XXYLT1: variants seen among roughly 807,000 people sequenced by gnomAD.
XXYLT1 encodes the protein UDP-xylose:alpha-xyloside alpha-1,3-xylosyltransferase.
Under a neutral mutation model 28.9 loss-of-function variants are expected in XXYLT1, and 20 were observed. The observed-to-expected ratio is 0.69, with a 90% CI of 0.49 to 1.00. XXYLT1 has a LOEUF of 1.00. Among genes scored for constraint, XXYLT1 ranks in the 50% least tolerant of loss-of-function variants. The pLI is 0.00. For missense variants in XXYLT1, 542 were observed against 560.1 expected, an observed-to-expected ratio of 0.97 and a Z score of 0.33; for synonymous variants, 257 against 253.8, an observed-to-expected ratio of 1.01 and a Z score of -0.12.
intron 2 of XXYLT1, chr3:195,175,551 G>T (rs1721622379): frequency 6.5e-6 from 10 of 1,531,118 alleles, no homozygotes; most frequent in Non-Finnish European, 8.7e-6. Context: ...GATTCCTAGG[G>T]GTAGTTAGGA....
At chr3:195,182,709 A>G (rs1722011886) in intron 2 of XXYLT1, among the ~76,000 whole-genome samples, 1 of 152,134 alleles carries the variant, frequency 6.6e-6, no homozygotes, top group African/African-American at 2.4e-5. Context: ...TGACGAAAGG[A>G]AGGAAATTAA....
rs530742415 is a variant in XXYLT1 at position 195,247,192 on chromosome 3, CAAG to C, written c.505-20339_505-20337del. Among the ~76,000 whole-genome samples, 148 of 152,216 alleles carry C rather than the reference CAAG, an allele frequency of 9.7e-4. 1 individual carries two copies. Among genetic ancestry groups the C allele is most frequent in the African/African-American group, 2.7e-3 (112 of 41,544 alleles). On this transcript the variant is annotated intron_variant, in intron 1 of 3. Transcript: ENST00000310380. The stretch of plus-strand genomic sequence containing the variant: ...AAGAGGTATGGCAGCGAGGGAAAGA[CAAG>C]AAGGAGGTGAGATGGGAGAAGAGGG...
intron 1 of XXYLT1, among the ~76,000 whole-genome samples, chr3:195,230,297 T>TA (rs1375557649): frequency 1.3e-5 from 2 of 152,250 alleles, no homozygotes; most frequent in African/African-American, 4.8e-5. Context: ...CCTTGTCAGA[T>TA]AGACAGTTTA....
At chr3:195,245,396 T>C (rs1168728913) in intron 1 of XXYLT1, among the ~76,000 whole-genome samples, 1 of 151,848 alleles carries the variant, frequency 6.6e-6, no homozygotes, top group African/African-American at 2.4e-5. Context: ...CTGCAAGTGA[T>C]TCGGCCCACC....
chr3:195,227,103 C>T (rs1343283920), intron 1 of XXYLT1, among the ~76,000 whole-genome samples: 2 of 152,068 alleles, frequency 1.3e-5, no homozygotes, highest in Non-Finnish European at 2.9e-5. Context: ...CATGCATGTA[C>T]GGGCTGTGCA....
chr3:195,181,536 G>A (rs1721955024), intron 2 of XXYLT1, among the ~76,000 whole-genome samples: 1 of 152,190 alleles, frequency 6.6e-6, no homozygotes, highest in South Asian at 2.1e-4. Context: ...CACTGCTTGA[G>A]TGCTTACTGT....
At chr3:195,113,854 G>A (rs923245206) in intron 3 of XXYLT1, among the ~76,000 whole-genome samples, 2 of 152,148 alleles carry the variant, frequency 1.3e-5, no homozygotes, top group African/African-American at 2.4e-5. Flanking sequence ...TCCTGAGGCC[G>A]GCGGGCAAAG....
chr3:195,204,468 A>ACTCTCTCTCTCTCT (rs1316535464), intron 2 of XXYLT1, among the ~76,000 whole-genome samples: 9 of 114,750 alleles, frequency 7.8e-5, no homozygotes, highest in African/African-American at 3.4e-4. Context: ...ACACACACTC[A>ACTCTCTCTCTCTCT]CTCTCTCACT....
At chr3:195,179,907 G>A (rs1309330098) in intron 2 of XXYLT1, among the ~76,000 whole-genome samples, 2 of 152,188 alleles carry the variant, frequency 1.3e-5, no homozygotes, top group Non-Finnish European at 2.9e-5. Flanking sequence ...ACTGATGCGT[G>A]GGCCCCTGAG....
intron 3 of XXYLT1, among the ~76,000 whole-genome samples, chr3:195,070,788 CTGCGACA>C (rs1188474132): frequency 6.6e-6 from 1 of 152,180 alleles, no homozygotes; most frequent in African/African-American, 2.4e-5. Context: ...GGCTGGGGGC[CTGCGACA>C]GCCCAGGGCA....
rs775074878 is a variant in XXYLT1, at chr3:195,069,935, T to C, written c.962A>G (p.Lys321Arg). The change falls in exon 4 of 4, where the codon AAG (lysine) becomes AGG (arginine). Residue 321 changes from lysine to arginine, a missense_variant. Coordinates refer to ENST00000310380, the MANE Select transcript of XXYLT1 (RefSeq NM_152531.5). ...EPAQVQQLAD[K>R]YHFRGHLGDQ... ...CCCGAGGTGGCCGCGGAAGTGGTACTTGTCGGCCAGCTGCTGCACCTGCGC... is the reference window on the plus strand; with the variant it reads ...CCCGAGGTGGCCGCGGAAGTGGTACCTGTCGGCCAGCTGCTGCACCTGCGC... 6.8e-6 allele frequency: 11 copies of C among 1,613,272 alleles called. No individual in the cohort carries two copies. In the South Asian group the frequency reaches 1.2e-4, roughly 18 times the overall value.
In XXYLT1 at chr3:195,173,276, A is replaced by T. The variant is rs1281654167; in HGVS notation, c.653-16695T>A. Among the ~76,000 whole-genome samples the T allele has an allele frequency of 1.3e-5, 2 of 152,154 alleles. No individual in the cohort carries two copies. The highest frequency in any genetic ancestry group is 2.9e-5 in the Non-Finnish European group (2 of 68,014). ...TGTGAGGCTGGGGCCAAAGACAGAG[A>T]GTGTAGCTGCTACTCCTCAAGGAAA... On this transcript the variant is annotated intron_variant, in intron 2 of 3. Coordinates refer to ENST00000310380, the MANE Select transcript of XXYLT1 (RefSeq NM_152531.5). The surrounding 1 kb of genome is among the most constrained non-coding windows in gnomAD (Gnocchi z 4.3).
At chr3:195,158,139 C>T (rs1015976589) in intron 2 of XXYLT1, among the ~76,000 whole-genome samples, 2 of 152,200 alleles carry the variant, frequency 1.3e-5, no homozygotes, top group South Asian at 2.1e-4. Flanking sequence ...ATCATCACAT[C>T]GAAAGCCCAC....
rs1166614246 is a variant in XXYLT1, at chr3:195,068,602, A to AGAT, written c.*1110_*1112dup. On this transcript the variant is annotated 3_prime_UTR_variant, in exon 4 of 4. Coordinates refer to ENST00000310380, the MANE Select transcript of XXYLT1 (RefSeq NM_152531.5). ...CTTTTTGGTTTTTTTTTTTTTTTTGAGATGGACGTCTCACTCTGTCGTCCA... is the reference window on the plus strand; with the variant it reads ...CTTTTTGGTTTTTTTTTTTTTTTTGAGATGATGGACGTCTCACTCTGTCGTCCA... 4 of 109,062 alleles carry AGAT rather than the reference A, an allele frequency of 3.7e-5. No individual in the cohort carries two copies. In the Admixed American group the frequency reaches 3.7e-4, roughly 10 times the overall value. The allele number at this position is 109,062 out of a possible 1,614,324, so 6.8% of individuals were successfully genotyped here.
In XXYLT1 at chr3:195,078,873, T is replaced by C. The variant is rs548470691; in HGVS notation, c.786-8762A>G. 1.3e-5 allele frequency among the ~76,000 whole-genome samples: 2 copies of C among 152,278 alleles called. No individual in the cohort carries two copies. Among genetic ancestry groups the C allele is most frequent in the Non-Finnish European group, 2.9e-5 (2 of 68,012 alleles). ...CACCCTCAAGAATTCCAAATGCTGA[T>C]GGCCCTTCCCTTCACCTTGACCACA... is the stretch of plus-strand genomic sequence containing the variant. On this transcript the variant is annotated intron_variant, in intron 3 of 3. Transcript: ENST00000310380. This position sits in a 1 kb window ranked among gnomAD's most constrained non-coding sequence, Gnocchi z 5.0.
chr3:195,088,020 G>T (rs1028155552), intron 3 of XXYLT1, among the ~76,000 whole-genome samples: 4 of 151,988 alleles, frequency 2.6e-5, no homozygotes, highest in Non-Finnish European at 5.9e-5. Context: ...TCCCGCACCT[G>T]GCTCGGAGGG....
At chr3:195,245,082 C>T (rs1312213494) in intron 1 of XXYLT1, among the ~76,000 whole-genome samples, 1 of 149,622 alleles carries the variant, frequency 6.7e-6, no homozygotes, top group East Asian at 2.0e-4. Flanking sequence ...AGGAGAATTG[C>T]TTGAACCTGG....
At chr3:195,070,249 A>C in intron 3 of XXYLT1, 138 bp from the exon 4 acceptor site, 2 of 1,183,260 alleles carry the variant, frequency 1.7e-6, no homozygotes, top group Non-Finnish European at 2.3e-6. Context: ...CTACACCAGC[A>C]AGTGGCAGAG....
chr3:195,098,396 A>T (rs1456095481), intron 3 of XXYLT1, among the ~76,000 whole-genome samples: 1 of 152,160 alleles, frequency 6.6e-6, no homozygotes, highest in East Asian at 1.9e-4. Flanking sequence ...TACTAAAAAT[A>T]CAAAAAATTA....
Sources: gnomAD v4.1 joint callset for allele counts (sites outside exome capture counted in the v4.1 genomes callset) on GRCh38, gnomAD v4.1.1 for gene constraint, Gnocchi (gnomAD v3.1) non-coding constraint, MANE v1.5 for transcripts, NCBI Gene and HGNC (gene_info 2026-07-23, HGNC 2026-07-21) for gene names.